DOP1A: variants seen among roughly 807,000 people sequenced by gnomAD.
The protein encoded by DOP1A is DOP1 leucine zipper like protein A, also known as protein DOP1A.
A neutral mutation model predicts 267.6 loss-of-function variants in DOP1A; 90 were observed. The ratio of observed to expected loss-of-function variants is 0.34; its 90% CI spans 0.28 to 0.40. The LOEUF is 0.40. DOP1A is among the 10% of genes least tolerant of loss of function. DOP1A has a pLI of 1.00. For missense variants in DOP1A, 2,437 were observed against 2,900.4 expected (o/e 0.84, Z 3.67); for synonymous variants, 932 against 999.1 (o/e 0.93, Z 1.27).
intron 38 of DOP1A, chr6:83,167,647 C>T: frequency 1.6e-6 from 2 of 1,275,610 alleles, no homozygotes; most frequent in Non-Finnish European, 2.0e-6. Context: ...TAGTTGGGAA[C>T]TATTACTACA....
At chr6:83,145,492 T>G (rs1780503618) in intron 24 of DOP1A, 32 bp from the exon 25 acceptor site, 1 of 1,538,008 alleles carries the variant, frequency 6.5e-7, no homozygotes, top group Middle Eastern at 1.7e-4. Flanking sequence ...CTTATATACA[T>G]ACATACATAC....
At position 83,097,865 on chromosome 6, in the gene DOP1A, ATTATTTTATT is replaced by A. The variant is rs556936772; in HGVS notation, c.138+773_138+782del. 7.4e-3 allele frequency among the ~76,000 whole-genome samples: 1,075 copies of A among 145,988 alleles called. 10 individuals are homozygous for A. Among genetic ancestry groups the A allele is most frequent in the South Asian group, 0.016 (76 of 4,666 alleles). On this transcript the variant is annotated intron_variant, in intron 3 of 38. Transcript: ENST00000349129. Reference sequence around the variant, plus strand: ...ATTCTATTTTATTTTATTTTATTTTATTATTTTATTTTATTTTATTTTATTTTATTTTCAT... The same window carrying A: ...ATTCTATTTTATTTTATTTTATTTTATTATTTTATTTTATTTTATTTTCAT...
intron 38 of DOP1A, chr6:83,167,166 C>G: frequency 1.1e-6 from 1 of 904,646 alleles, no homozygotes; most frequent in East Asian, 1.2e-4. Flanking sequence ...TAGACTGTCC[C>G]ATTTTATAAG....
chr6:83,142,165 T>C, intron 24 of DOP1A, 119 bp downstream of exon 24: 2 of 1,241,218 alleles, frequency 1.6e-6, no homozygotes, highest in South Asian at 2.8e-5. Flanking sequence ...CAAAAGTCTG[T>C]CGACAGCTTT....
Position 83,100,893 on chromosome 6 carries a change from A to G in DOP1A, c.320+7A>G. 3 of 1,468,392 alleles carry G rather than the reference A, an allele frequency of 2.0e-6. No individual in the cohort carries two copies. Among genetic ancestry groups the G allele is most frequent in the Non-Finnish European group, 2.7e-6 (3 of 1,094,616 alleles). 91.0% of individuals were successfully genotyped at this position (1,468,392 alleles called of 1,614,324 possible). A position where few individuals can be genotyped will look rare whatever the true frequency, so the allele number is the denominator to read the frequency against. On this transcript the variant is annotated splice_region_variant and intron_variant, in intron 4 of 38. Coordinates refer to ENST00000349129, the MANE Select transcript of DOP1A (RefSeq NM_015018.4). ...AAGATCTTTTTTTATATAGGTAAGA[A>G]TAATTTTACTATATATATACAAATA...
intron 7 of DOP1A, among the ~76,000 whole-genome samples, chr6:83,117,296 G>A (rs1227632664): frequency 6.6e-6 from 1 of 151,646 alleles, no homozygotes; most frequent in Non-Finnish European, 1.5e-5. Context: ...GACTACAGGC[G>A]CCAACCACCG....
At chr6:83,158,191 C>T (rs1290039152) in intron 35 of DOP1A, among the ~76,000 whole-genome samples, 2 of 151,912 alleles carry the variant, frequency 1.3e-5, no homozygotes, top group Non-Finnish European at 2.9e-5. Context: ...TTAGTAAAGA[C>T]GGGGTTTCAG....
At chr6:83,094,471 T>A (rs1250234230) in intron 1 of DOP1A, among the ~76,000 whole-genome samples, 1 of 152,246 alleles carries the variant, frequency 6.6e-6, no homozygotes, top group Non-Finnish European at 1.5e-5. Context: ...CTTGGAGAAC[T>A]ACTACCAGAC....
At position 83,123,173 on chromosome 6, in the gene DOP1A, T is replaced by C. The variant is rs576195843; in HGVS notation, c.1340+191T>C. Among the ~76,000 whole-genome samples, 215 of 152,126 alleles carry C rather than the reference T, an allele frequency of 1.4e-3. 3 individuals are homozygous for C. Among genetic ancestry groups the C allele is most frequent in the African/African-American group, 4.9e-3 (205 of 41,540 alleles). Reference sequence around the variant, plus strand: ...AATCATTGATCATATAATCTTAGAATTGGAAGGGAGTTTAGAGATCAGTTA... The same window carrying C: ...AATCATTGATCATATAATCTTAGAACTGGAAGGGAGTTTAGAGATCAGTTA... On this transcript the variant is annotated intron_variant, in intron 12 of 38. Transcript: ENST00000349129.
chr6:83,093,553 A>G (rs370488098), intron 1 of DOP1A, among the ~76,000 whole-genome samples: 3 of 152,364 alleles, frequency 2.0e-5, no homozygotes, highest in East Asian at 3.9e-4. Flanking sequence ...TAAGACATGT[A>G]AATTTCACAT....
intron 34 of DOP1A, 77 bp from the exon 35 acceptor site, chr6:83,157,105 G>A (rs1782971579): frequency 7.0e-7 from 1 of 1,428,126 alleles, no homozygotes; most frequent in Admixed American, 2.1e-5. Context: ...TAGTTTGAGA[G>A]TACTGGACCG....
At chr6:83,145,706 A>G (rs200519620) in intron 25 of DOP1A, 48 bp downstream of exon 25, 2 of 1,586,176 alleles carry the variant, frequency 1.3e-6, no homozygotes, top group East Asian at 4.5e-5. Context: ...TGTTTCAGAA[A>G]TTATGCTGGT....
chr6:83,156,802 A>G (rs944366726), intron 34 of DOP1A, among the ~76,000 whole-genome samples: 10 of 152,226 alleles, frequency 6.6e-5, no homozygotes, highest in Middle Eastern at 3.2e-3. Context: ...AATTTCAGAT[A>G]TGCAAAATGT....
chr6:83,129,760 TAGC>T (rs1416921674), intron 16 of DOP1A, among the ~76,000 whole-genome samples: 1 of 152,164 alleles, frequency 6.6e-6, no homozygotes, highest in African/African-American at 2.4e-5. Context: ...TGGAGAAAAG[TAGC>T]AGTAGATCTG....
chr6:83,144,958 A>T (rs1390646139), intron 24 of DOP1A, among the ~76,000 whole-genome samples: 1 of 148,680 alleles, frequency 6.7e-6, no homozygotes, highest in Non-Finnish European at 1.5e-5. Flanking sequence ...TTAAAAAATT[A>T]TCTGGGCATA....
intron 1 of DOP1A, among the ~76,000 whole-genome samples, chr6:83,094,057 TC>T (rs1268444220): frequency 1.3e-5 from 2 of 152,210 alleles, no homozygotes; most frequent in Non-Finnish European, 2.9e-5. Context: ...ATTGTCCATT[TC>T]CCACCAATTC....
chr6:83,079,685 A>G (rs1178884679), intron 1 of DOP1A, among the ~76,000 whole-genome samples: 2 of 152,146 alleles, frequency 1.3e-5, no homozygotes, highest in Admixed American at 1.3e-4. Context: ...ATATGGGTTT[A>G]ATTATGCTGT....
chr6:83,111,306 G>C (rs1431470924), intron 6 of DOP1A, among the ~76,000 whole-genome samples: 2 of 151,542 alleles, frequency 1.3e-5, no homozygotes, highest in African/African-American at 4.9e-5. Flanking sequence ...TATATTTTTT[G>C]GGTGTTAAAA....
At chr6:83,093,094 C>A (rs11967191) in intron 1 of DOP1A, among the ~76,000 whole-genome samples, 99,411 of 152,010 alleles carry the variant, frequency 0.65, 33,935 homozygotes, top group Middle Eastern at 0.78. Context: ...CATCAAATAT[C>A]AAGTTTTAAA....
Sources: gnomAD v4.1 joint callset for allele counts (sites outside exome capture counted in the v4.1 genomes callset) on GRCh38, gnomAD v4.1.1 for gene constraint, MANE v1.5 for transcripts, NCBI Gene and HGNC (gene_info 2026-07-23, HGNC 2026-07-21) for gene names.